HACE1: variants seen among roughly 807,000 people sequenced by gnomAD.
The protein encoded by HACE1 is HECT domain and ankyrin repeat containing E3 ubiquitin protein ligase 1.
HACE1 carries 73 observed loss-of-function variants against 118.4 expected under a neutral mutation model. That is an observed-to-expected ratio of 0.62 (90% confidence interval 0.51 to 0.75). The LOEUF is 0.75. Among genes scored for constraint, HACE1 ranks in the 30% least tolerant of loss-of-function variants. HACE1 has a pLI of 0.00. For missense variants in HACE1, 749 were observed against 1,102.2 expected (o/e 0.68, Z 4.54); for synonymous variants, 368 against 374.8 (o/e 0.98, Z 0.21).
intron 17 of HACE1, among the ~76,000 whole-genome samples, chr6:104,774,175 C>T (rs1163226932): frequency 4.4e-5 from 5 of 113,684 alleles, no homozygotes; most frequent in East Asian, 2.0e-4. Flanking sequence ...CTGCAAGCTC[C>T]GCCTCCCGGG....
At chr6:104,852,234 C>CGT (rs1554264931) in intron 2 of HACE1, 83 bp downstream of exon 2, 15 of 712,540 alleles carry the variant, frequency 2.1e-5, no homozygotes, top group East Asian at 1.3e-4. Context: ...TGTGTGCGCG[C>CGT]GTGCGCGTGC....
At chr6:104,843,362 T>G in intron 4 of HACE1, 64 bp from the exon 5 acceptor site, 1 of 803,102 alleles carries the variant, frequency 1.2e-6, no homozygotes, top group South Asian at 1.3e-5. Context: ...GACAATTAAT[T>G]TACTGAAATA....
intron 1 of HACE1, among the ~76,000 whole-genome samples, chr6:104,852,998 T>C (rs991580466): frequency 6.6e-6 from 1 of 152,216 alleles, no homozygotes; most frequent in Admixed American, 6.5e-5. Context: ...GTGCTATGGT[T>C]TGAATGCATC....
At chr6:104,786,652 G>T (rs1582466094) in intron 11 of HACE1, 1 of 149,766 alleles carries the variant, frequency 6.7e-6, no homozygotes, top group Admixed American at 6.6e-5. Flanking sequence ...AAACCTGCTA[G>T]GATATTTTTA....
At chr6:104,820,129 A>G (rs1772543153) in intron 6 of HACE1, among the ~76,000 whole-genome samples, 1 of 144,298 alleles carries the variant, frequency 6.9e-6, no homozygotes. Flanking sequence ...CGGGAGGTGG[A>G]GTTTGCAGTG....
At chr6:104,772,489 G>GT (rs1299491513) in intron 17 of HACE1, among the ~76,000 whole-genome samples, 1 of 152,160 alleles carries the variant, frequency 6.6e-6, no homozygotes, top group African/African-American at 2.4e-5. Flanking sequence ...CCATTCATCT[G>GT]TATGTGCCAG....
At chr6:104,805,025 A>G (rs1370388807) in intron 7 of HACE1, among the ~76,000 whole-genome samples, 1 of 152,104 alleles carries the variant, frequency 6.6e-6, no homozygotes, top group East Asian at 1.9e-4. Flanking sequence ...AAAACAAACA[A>G]CCCCATCAAA....
chr6:104,757,128 G>T (rs1162454969), intron 19 of HACE1, among the ~76,000 whole-genome samples: 1 of 152,170 alleles, frequency 6.6e-6, no homozygotes, highest in Non-Finnish European at 1.5e-5. Flanking sequence ...TCCACCTCTA[G>T]GGGCAGGACG....
At chr6:104,767,430 C>T (rs1477940215) in intron 19 of HACE1, among the ~76,000 whole-genome samples, 1 of 152,118 alleles carries the variant, frequency 6.6e-6, no homozygotes, top group Non-Finnish European at 1.5e-5. Context: ...CATGCTTCCC[C>T]AAACCAAAAT....
At chr6:104,807,517 G>C (rs1021898001) in intron 7 of HACE1, among the ~76,000 whole-genome samples, 1 of 152,004 alleles carries the variant, frequency 6.6e-6, no homozygotes, top group Non-Finnish European at 1.5e-5. Flanking sequence ...TTTCCTAATA[G>C]AATAAAAGTT....
intron 22 of HACE1, among the ~76,000 whole-genome samples, chr6:104,742,861 A>T (rs1776926130): frequency 6.6e-6 from 1 of 152,072 alleles, no homozygotes; most frequent in Non-Finnish European, 1.5e-5. Context: ...ACACATGCAC[A>T]CATATGTTTA....
At chr6:104,850,697 A>G (rs9377675) in intron 3 of HACE1, among the ~76,000 whole-genome samples, 36,751 of 152,140 alleles carry the variant, frequency 0.24, 4,763 homozygotes, top group African/African-American at 0.34. Context: ...GATATAAAAC[A>G]AAGACAAGAG....
chr6:104,818,609 T>C (rs1318064063), intron 6 of HACE1, among the ~76,000 whole-genome samples: 1 of 152,038 alleles, frequency 6.6e-6, no homozygotes, highest in African/African-American at 2.4e-5. Flanking sequence ...ATATCCTTGA[T>C]GAAATTGATG....
intron 10 of HACE1, among the ~76,000 whole-genome samples, chr6:104,792,844 G>A (rs1371890548): frequency 6.6e-6 from 1 of 152,138 alleles, no homozygotes; most frequent in African/African-American, 2.4e-5. Context: ...TCAAGCAGCT[G>A]ACCAATCATT....
chr6:104,853,273 C>T (rs1776418995), intron 1 of HACE1, among the ~76,000 whole-genome samples: 1 of 152,178 alleles, frequency 6.6e-6, no homozygotes, highest in South Asian at 2.1e-4. Flanking sequence ...CATTTGTTTT[C>T]TTTACAAATT....
intron 21 of HACE1, 119 bp downstream of exon 21, chr6:104,744,393 T>A (rs886443640): frequency 1.2e-5 from 10 of 807,688 alleles, no homozygotes; most frequent in Non-Finnish European, 2.0e-5. Context: ...CCCACAAGAA[T>A]AATTTGGGTA....
At chr6:104,790,578 C>T (rs987260143) in intron 11 of HACE1, among the ~76,000 whole-genome samples, 3 of 152,058 alleles carry the variant, frequency 2.0e-5, no homozygotes, top group African/African-American at 7.2e-5. Context: ...CATGGCAAAG[C>T]CCCATCTCTA....
intron 6 of HACE1, among the ~76,000 whole-genome samples, chr6:104,826,617 C>T (rs532776084): frequency 3.3e-5 from 5 of 152,130 alleles, no homozygotes; most frequent in South Asian, 4.1e-4. Context: ...TAAAATTAAG[C>T]GCAGTGGCTT....
At chr6:104,807,022 T>A (rs981619332) in intron 7 of HACE1, among the ~76,000 whole-genome samples, 3 of 150,256 alleles carry the variant, frequency 2.0e-5, no homozygotes, top group Non-Finnish European at 4.5e-5. Flanking sequence ...AAGAATTCTT[T>A]TTTTTTTTTT....
Sources: gnomAD v4.1 joint callset for allele counts (sites outside exome capture counted in the v4.1 genomes callset) on GRCh38, gnomAD v4.1.1 for gene constraint, MANE v1.5 for transcripts, NCBI Gene and HGNC (gene_info 2026-07-23, HGNC 2026-07-21) for gene names.